SHB: variants seen among roughly 807,000 people sequenced by gnomAD.
The protein encoded by SHB is SH2 domain containing adaptor protein B.
SHB carries 20 observed loss-of-function variants against 52.3 expected under a neutral mutation model. That is an observed-to-expected ratio of 0.38 (90% CI 0.27 to 0.56). The LOEUF (loss-of-function observed/expected upper bound fraction) is 0.56, where lower values mean the gene tolerates loss of function less well. SHB is among the 20% of genes least tolerant of loss of function. The pLI is 0.71. For missense variants in SHB, 825 were observed against 723.3 expected, an observed-to-expected ratio of 1.14 and a Z score of -1.61; for synonymous variants, 397 against 316.5, an observed-to-expected ratio of 1.25 and a Z score of -2.70.
intron 2 of SHB, among the ~76,000 whole-genome samples, chr9:37,995,858 GGT>G (rs1820940432): frequency 6.6e-6 from 1 of 152,082 alleles, no homozygotes; most frequent in African/African-American, 2.4e-5. Flanking sequence ...TTGCCAGAGG[GGT>G]TTAAAATCAG....
At position 37,918,891 on chromosome 9, in the gene SHB, G is replaced by A. The variant is rs906796665; in HGVS notation, c.*930C>T. ...GCTCCTGACTATGTCCACTGCTGAA[G>A]CCTGAACTCTGAGCTCTGGGTTGAC... On this transcript the variant is annotated 3_prime_UTR_variant, in exon 6 of 6. Coordinates refer to ENST00000377707, the MANE Select transcript of SHB (RefSeq NM_003028.3). Among the ~76,000 whole-genome samples the A allele has an allele frequency of 6.6e-6, 1 of 152,198 alleles. No homozygotes were observed. The highest frequency in any genetic ancestry group is 2.4e-5 in the African/African-American group (1 of 41,452).
intron 4 of SHB, among the ~76,000 whole-genome samples, chr9:37,949,092 G>A (rs1156542611): frequency 2.0e-5 from 3 of 152,162 alleles, no homozygotes; most frequent in Non-Finnish European, 4.4e-5. Context: ...ACTATTTCAG[G>A]CAGGGTGGCC....
intron 3 of SHB, among the ~76,000 whole-genome samples, chr9:37,966,400 CTTTTT>C (rs984115764): frequency 6.6e-6 from 1 of 152,008 alleles, no homozygotes; most frequent in Non-Finnish European, 1.5e-5. Context: ...TTTTCCTCTC[CTTTTT>C]TTAAGATTAC....
intron 2 of SHB, among the ~76,000 whole-genome samples, chr9:37,996,803 C>T (rs1382174409): frequency 6.6e-6 from 1 of 152,254 alleles, no homozygotes; most frequent in African/African-American, 2.4e-5. Context: ...CAATGTAGCA[C>T]TAATTATCTG....
At chr9:38,067,144 ACAAAGTCC>A (rs1339033162) in intron 1 of SHB, among the ~76,000 whole-genome samples, 2 of 152,136 alleles carry the variant, frequency 1.3e-5, no homozygotes, top group African/African-American at 4.8e-5. Context: ...GGGGGCTGTC[ACAAAGTCC>A]CCCCGTGTTC....
intron 4 of SHB, among the ~76,000 whole-genome samples, chr9:37,950,772 T>C (rs756579067): frequency 2.0e-5 from 3 of 152,306 alleles, no homozygotes; most frequent in Admixed American, 2.0e-4. Flanking sequence ...GAAGGGCCAA[T>C]GTAGAGCCTG....
At chr9:38,067,754 G>A (rs1821989121) in intron 1 of SHB, among the ~76,000 whole-genome samples, 175 bp downstream of exon 1, 2 of 152,176 alleles carry the variant, frequency 1.3e-5, no homozygotes, top group Admixed American at 1.3e-4. Flanking sequence ...GGAGGCCGCC[G>A]GTCCCAGGAA....
intron 1 of SHB, among the ~76,000 whole-genome samples, chr9:38,057,764 T>A (rs962130697): frequency 1.3e-5 from 2 of 152,246 alleles, no homozygotes; most frequent in Non-Finnish European, 2.9e-5. Flanking sequence ...TGGAGAAACC[T>A]GCAGACTCTC....
chr9:37,980,222 G>C (rs1439669932), intron 2 of SHB, among the ~76,000 whole-genome samples: 1 of 152,250 alleles, frequency 6.6e-6, no homozygotes, highest in African/African-American at 2.4e-5. Context: ...ACCCACGGCA[G>C]AACTTCTTTC....
chr9:38,022,044 T>C (rs939807025), intron 1 of SHB, among the ~76,000 whole-genome samples: 7 of 152,220 alleles, frequency 4.6e-5, no homozygotes, highest in African/African-American at 1.7e-4. Context: ...CGCATATGAA[T>C]GCACTTGAGA....
intron 5 of SHB, among the ~76,000 whole-genome samples, chr9:37,924,617 G>A (rs965314829): frequency 6.6e-6 from 1 of 152,140 alleles, no homozygotes; most frequent in Non-Finnish European, 1.5e-5. Context: ...GATGTCCCCA[G>A]AACATTAGCC....
At chr9:37,987,254 A>G (rs1006360518) in intron 2 of SHB, among the ~76,000 whole-genome samples, 5 of 152,222 alleles carry the variant, frequency 3.3e-5, no homozygotes, top group Admixed American at 6.5e-5. Context: ...CCATTCTAGG[A>G]ACACTGCGTG....
intron 1 of SHB, among the ~76,000 whole-genome samples, chr9:38,025,921 C>A (rs1200276380): frequency 6.6e-6 from 1 of 152,198 alleles, no homozygotes; most frequent in East Asian, 1.9e-4. Context: ...CCCATCAAAT[C>A]CCAACCAGGA....
At chr9:38,052,913 C>T (rs1232979930) in intron 1 of SHB, among the ~76,000 whole-genome samples, 1 of 152,216 alleles carries the variant, frequency 6.6e-6, no homozygotes, top group Non-Finnish European at 1.5e-5. Context: ...GCATGAAGGC[C>T]CAGCTCCCAT....
intron 2 of SHB, among the ~76,000 whole-genome samples, chr9:38,005,198 C>T (rs1013948157): frequency 2.6e-5 from 4 of 152,170 alleles, no homozygotes; most frequent in African/African-American, 9.7e-5. Flanking sequence ...AAAGAGAGGC[C>T]CAAAAGTTGA....
intron 4 of SHB, among the ~76,000 whole-genome samples, chr9:37,950,721 A>G (rs1832556542): frequency 6.6e-6 from 1 of 151,964 alleles, no homozygotes; most frequent in African/African-American, 2.4e-5. Flanking sequence ...GATCATGCCA[A>G]CCTCTCTTGG....
intron 5 of SHB, among the ~76,000 whole-genome samples, chr9:37,927,826 C>T (rs534972581): frequency 1.9e-3 from 288 of 152,156 alleles, no homozygotes; most frequent in African/African-American, 6.5e-3. Context: ...GCCAAGTGCA[C>T]GTGGAAACTG....
intron 1 of SHB, among the ~76,000 whole-genome samples, chr9:38,044,306 T>C (rs778256546): frequency 3.3e-5 from 5 of 152,226 alleles, no homozygotes; most frequent in African/African-American, 4.8e-5. Flanking sequence ...AATTAACTCC[T>C]TAGTATGGTA....
At chr9:37,994,835 T>G (rs1820928695) in intron 2 of SHB, among the ~76,000 whole-genome samples, 1 of 152,210 alleles carries the variant, frequency 6.6e-6, no homozygotes, top group South Asian at 2.1e-4. Flanking sequence ...TCATGTATGC[T>G]GCCCTTCAAT....
Sources: allele counts gnomAD v4.1 joint callset (sites outside exome capture counted in the v4.1 genomes callset), GRCh38; gene constraint gnomAD v4.1.1; transcripts MANE v1.5; gene names NCBI Gene and HGNC (gene_info 2026-07-23, HGNC 2026-07-21).